BMS1: variants seen among roughly 807,000 people sequenced by gnomAD.
BMS1 encodes BMS1 ribosome biogenesis factor, also known as ribosome biogenesis protein BMS1 homolog.
Under a neutral mutation model 138.7 loss-of-function variants are expected in BMS1, and 53 were observed. The ratio of observed to expected loss-of-function variants is 0.38; its 90% confidence interval spans 0.31 to 0.48. The LOEUF (loss-of-function observed/expected upper bound fraction) is 0.48, where lower values mean the gene tolerates loss of function less well. Ranked by LOEUF, BMS1 falls within the 20% of genes least tolerant of loss-of-function variation. The probability of loss-of-function intolerance (pLI) is 0.97; values close to 1 mark genes in which losing one functional copy is unlikely to be tolerated. For missense variants in BMS1, 1,360 were observed against 1,565.5 expected (o/e 0.87, Z 2.22); for synonymous variants, 504 against 539.9 (o/e 0.93, Z 0.92).
chr10:42,785,599 G>A lies in BMS1; in HGVS notation c.294G>A (p.Leu98=), dbSNP rs1384144209. 1 of 1,613,864 alleles carries A rather than the reference G, an allele frequency of 6.2e-7. No homozygotes were observed. The highest frequency in any genetic ancestry group is 8.5e-7 in the Non-Finnish European group (1 of 1,179,872). Residue 98 remains leucine, a synonymous_variant, in exon 3 of 23, where the codon TTG becomes TTA. Transcript: ENST00000374518. The part of the protein sequence containing the change: ...MGPPKVGKST[L]IQCLIRNFTR... ...CTCCAAAAGTTGGAAAGAGCACTTT[G>A]ATACAATGCCTCATTCGGAACTTTA...
chr10:42,797,870 G>A (rs1264809929), intron 11 of BMS1, among the ~76,000 whole-genome samples: 1 of 152,072 alleles, frequency 6.6e-6, no homozygotes, highest in Non-Finnish European at 1.5e-5. Context: ...TGAGAACCCT[G>A]TATAACACAT....
At chr10:42,828,285 G>A (rs1006237304) in intron 21 of BMS1, among the ~76,000 whole-genome samples, 2 of 152,256 alleles carry the variant, frequency 1.3e-5, no homozygotes, top group African/African-American at 4.8e-5. Flanking sequence ...GTCTATGGCA[G>A]ACATTGATTT....
chr10:42,818,997 C>G (rs1842428175), intron 15 of BMS1, among the ~76,000 whole-genome samples: 1 of 152,196 alleles, frequency 6.6e-6, no homozygotes. Flanking sequence ...GCGTGGAGGC[C>G]TTCAGCAATC....
At chr10:42,814,147 A>T (rs151270960) in intron 13 of BMS1, among the ~76,000 whole-genome samples, 1 of 152,204 alleles carries the variant, frequency 6.6e-6, no homozygotes, top group African/African-American at 2.4e-5. Flanking sequence ...ATCTTTCACT[A>T]AATGTGGGAA....
At chr10:42,798,147 T>C (rs988036130) in intron 11 of BMS1, among the ~76,000 whole-genome samples, 2 of 152,212 alleles carry the variant, frequency 1.3e-5, no homozygotes, top group Non-Finnish European at 2.9e-5. Flanking sequence ...TTTAGAGCTC[T>C]TCTTTAATAA....
rs1365998643 is a variant in BMS1 at position 42,785,664 on chromosome 10, T to C, written c.359T>C (p.Ile120Thr). ...ACTGAGATCAGAGGCCCTGTGACGA[T>C]TGTGTCAGGTAGGAGATGCCACCAC... ...KLTEIRGPVT[I>T]VSGKKRRLTI... The change falls in exon 3 of 23, where the codon ATT becomes ACT. Residue 120 changes from isoleucine (I) to threonine (T), a missense_variant. This residue lies in a region of BMS1 where 238 missense variants were observed against 311.1 expected (regional missense o/e 0.77). Transcript: ENST00000374518. The C allele has an allele frequency of 1.2e-5, 19 of 1,613,366 alleles. No individual in the cohort carries two copies. The highest frequency in any genetic ancestry group is 1.6e-5 in the Non-Finnish European group (19 of 1,179,534).
At position 42,831,153 on chromosome 10, in the gene BMS1, C is replaced by T. The variant is rs1426209456; in HGVS notation, c.*57C>T. On this transcript the variant is annotated 3_prime_UTR_variant, in exon 23 of 23. Transcript: ENST00000374518. Reference sequence around the variant, plus strand: ...TGCGGAGGTAGACAGTTTCAAACATCACAGTTTGAATGCCTGTGAATGACA... The same window carrying T: ...TGCGGAGGTAGACAGTTTCAAACATTACAGTTTGAATGCCTGTGAATGACA... The T allele has an allele frequency of 6.1e-6, 9 of 1,476,808 alleles. No homozygotes were observed. The highest frequency in any genetic ancestry group is 7.3e-6 in the Non-Finnish European group (8 of 1,095,226). The allele number at this position is 1,476,808 out of a possible 1,614,324, so 91.5% of individuals were successfully genotyped here. A position where few individuals can be genotyped will look rare whatever the true frequency, so the allele number is the denominator to read the frequency against.
intron 16 of BMS1, 24 bp downstream of exon 16, chr10:42,820,448 G>T: frequency 1.2e-6 from 2 of 1,612,236 alleles, no homozygotes; most frequent in Non-Finnish European, 1.7e-6. Flanking sequence ...CTACATATTT[G>T]GTGCCTGAGG....
In BMS1 at chr10:42,812,369, G is replaced by A. The variant is rs570513355; in HGVS notation, c.2330-4230G>A. 6.4e-4 allele frequency among the ~76,000 whole-genome samples: 97 copies of A among 152,186 alleles called. No individual in the cohort carries two copies. The Middle Eastern group carries it at 0.027, about 43-fold the overall frequency. On this transcript the variant is annotated intron_variant, in intron 13 of 22. Coordinates refer to ENST00000374518, the MANE Select transcript of BMS1 (RefSeq NM_014753.4). Reference sequence around the variant, plus strand: ...CTATGTTGCCCAGGCTGGAACTCCTGGCCTCAAGCTATCCTTTGTCTTTGC... The same window carrying A: ...CTATGTTGCCCAGGCTGGAACTCCTAGCCTCAAGCTATCCTTTGTCTTTGC...
At chr10:42,813,035 C>T (rs1475533117) in intron 13 of BMS1, among the ~76,000 whole-genome samples, 4 of 152,242 alleles carry the variant, frequency 2.6e-5, no homozygotes, top group South Asian at 2.1e-4. Context: ...TAAAATTCAG[C>T]GAAGACCCTC....
intron 6 of BMS1, 71 bp from the exon 7 acceptor site, chr10:42,792,422 C>A: frequency 6.4e-7 from 1 of 1,568,814 alleles, no homozygotes; most frequent in Non-Finnish European, 8.6e-7. Context: ...TGTGATGAAT[C>A]ATTGACACAT....
chr10:42,814,506 G>A (rs1185874283), intron 13 of BMS1, among the ~76,000 whole-genome samples: 1 of 152,162 alleles, frequency 6.6e-6, no homozygotes, highest in African/African-American at 2.4e-5. Context: ...CATAGGATTT[G>A]TAGTTGCTTG....
chr10:42,788,905 C>T (rs1166481041), intron 4 of BMS1, among the ~76,000 whole-genome samples: 5 of 152,178 alleles, frequency 3.3e-5, no homozygotes, highest in African/African-American at 1.2e-4. Flanking sequence ...CTATGCTTTG[C>T]TTTTTTCATA....
chr10:42,800,904 G>T (rs1841854916), intron 12 of BMS1, among the ~76,000 whole-genome samples: 1 of 152,184 alleles, frequency 6.6e-6, no homozygotes, highest in South Asian at 2.1e-4. Context: ...TGATGTCATG[G>T]ATATAAATGT....
chr10:42,824,872 A>G (rs1216075612), intron 21 of BMS1, among the ~76,000 whole-genome samples: 1 of 152,110 alleles, frequency 6.6e-6, no homozygotes, highest in East Asian at 1.9e-4. Flanking sequence ...CCAGCACCAT[A>G]CTGTTTTGAT....
chr10:42,814,520 A>G (rs1226455594), intron 13 of BMS1, among the ~76,000 whole-genome samples: 2 of 152,136 alleles, frequency 1.3e-5, no homozygotes, highest in African/African-American at 4.8e-5. Context: ...TTGCTTGTTG[A>G]AGCATATTTA....
At chr10:42,806,163 A>C (rs1179831974) in intron 13 of BMS1, among the ~76,000 whole-genome samples, 1 of 152,204 alleles carries the variant, frequency 6.6e-6, no homozygotes, top group Non-Finnish European at 1.5e-5. Context: ...TGCACAATAA[A>C]GCCTGGGCTT....
At chr10:42,811,550 A>T (rs1588739459) in intron 13 of BMS1, among the ~76,000 whole-genome samples, 1 of 90,012 alleles carries the variant, frequency 1.1e-5, no homozygotes, top group Admixed American at 1.5e-4. Context: ...TTTGAGACGG[A>T]GTCTCGCTCT....
rs1371903349 is a variant in BMS1, at chr10:42,823,267, T to C, written c.3280+2T>C. The C allele has an allele frequency of 1.3e-6, 2 of 1,564,812 alleles. No homozygotes were observed. Among genetic ancestry groups the C allele is most frequent in the Non-Finnish European group, 1.7e-6 (2 of 1,161,012 alleles). ...TTGAGGATAAGCTGCTGATGAGCGGTGAGTGTCTTGAGTAGTGTTCAGGGC... is the reference window on the plus strand; with the variant it reads ...TTGAGGATAAGCTGCTGATGAGCGGCGAGTGTCTTGAGTAGTGTTCAGGGC... On this transcript the variant is annotated splice_donor_variant, in intron 20 of 22. Coordinates refer to ENST00000374518, the MANE Select transcript of BMS1 (RefSeq NM_014753.4). LOFTEE classifies it high-confidence loss of function.
Sources: gnomAD v4.1 joint callset for allele counts (sites outside exome capture counted in the v4.1 genomes callset) on GRCh38, gnomAD v4.1.1 for gene constraint, gnomAD v4.1.1 regional missense constraint, MANE v1.5 for transcripts, NCBI Gene and HGNC (gene_info 2026-07-23, HGNC 2026-07-21) for gene names.